The following VWA3B variants were observed in gnomAD, a reference collection of about 807,000 sequenced individuals.
The protein encoded by VWA3B is von Willebrand factor A domain containing 3B, also known as von Willebrand factor A domain-containing protein 3B.
VWA3B carries 138 observed loss-of-function variants against 158.3 expected under a neutral mutation model. That is an observed-to-expected ratio of 0.87 (90% CI 0.76 to 1.00). The LOEUF (loss-of-function observed/expected upper bound fraction) is 1.00, where lower values mean the gene tolerates loss of function less well. VWA3B is among the 50% of genes least tolerant of loss of function. The probability of loss-of-function intolerance (pLI) is 0.00; values close to 1 mark genes in which losing one functional copy is unlikely to be tolerated. For synonymous variants in VWA3B, 596 were observed against 587.3 expected, an observed-to-expected ratio of 1.01 and a Z score of -0.21; for missense variants, 1,555 against 1,565.1, an observed-to-expected ratio of 0.99 and a Z score of 0.11.
chr2:98,142,543 G>A (rs1276968440), intron 7 of VWA3B, among the ~76,000 whole-genome samples: 1 of 152,288 alleles, frequency 6.6e-6, no homozygotes, highest in African/African-American at 2.4e-5. Flanking sequence ...CTCCCTGGGG[G>A]CAAGTTTGCA....
intron 8 of VWA3B, chr2:98,179,139 A>G: frequency 2.2e-6 from 1 of 460,394 alleles, no homozygotes; most frequent in South Asian, 1.6e-5. Context: ...CCCAGCATGG[A>G]GTTGGGAGAT....
chr2:98,258,447 T>G (rs1687287311), intron 21 of VWA3B, among the ~76,000 whole-genome samples: 1 of 151,852 alleles, frequency 6.6e-6, no homozygotes, highest in Admixed American at 6.6e-5. Context: ...CTTTGAAGAG[T>G]ATTACCATTT....
intron 5 of VWA3B, 93 bp from the exon 6 acceptor site, chr2:98,128,146 A>C: frequency 6.9e-7 from 1 of 1,457,702 alleles, no homozygotes; most frequent in Non-Finnish European, 9.3e-7. Context: ...ATTTTTTCTA[A>C]GAGATCGTTT....
At chr2:98,143,628 T>C (rs1277082867) in intron 7 of VWA3B, among the ~76,000 whole-genome samples, 1 of 152,090 alleles carries the variant, frequency 6.6e-6, no homozygotes, top group Non-Finnish European at 1.5e-5. Flanking sequence ...AACTCAAATA[T>C]AGTAAAATAA....
the VWA3B span, among the ~76,000 whole-genome samples, chr2:98,327,373 T>G: frequency 6.6e-6 from 1 of 152,096 alleles, no homozygotes; most frequent in Non-Finnish European, 1.5e-5. Flanking sequence ...TCTCAACTCG[T>G]TTTATGAGCC....
intron 7 of VWA3B, among the ~76,000 whole-genome samples, chr2:98,137,262 C>T (rs551435250): frequency 5.0e-4 from 76 of 152,280 alleles, no homozygotes; most frequent in African/African-American, 1.6e-3. Context: ...ATTTTACATT[C>T]CTACCAACAG....
chr2:98,237,369 TC>T lies in VWA3B; in HGVS notation c.2673+641del, dbSNP rs540700072. Among the ~76,000 whole-genome samples, 11 of 152,308 alleles carry T rather than the reference TC, an allele frequency of 7.2e-5. 1 individual carries two copies. The East Asian group carries it at 1.9e-3, about 27-fold the overall frequency. ...AAGGGAGGACTTGCGAGAGATTATG[TC>T]CTTCTTTTGCTTACCTTCTCTTCCT... On this transcript the variant is annotated intron_variant, in intron 19 of 27. Transcript: ENST00000477737.
intron 9 of VWA3B, among the ~76,000 whole-genome samples, chr2:98,185,004 A>G (rs777916512): frequency 6.6e-6 from 1 of 151,896 alleles, no homozygotes; most frequent in African/African-American, 2.4e-5. Context: ...CATATGGAGG[A>G]CCCTTCCAAT....
chr2:98,217,458 C>T (rs1370385850), intron 13 of VWA3B, among the ~76,000 whole-genome samples: 1 of 152,204 alleles, frequency 6.6e-6, no homozygotes, highest in African/African-American at 2.4e-5. Flanking sequence ...TCTTCCTTCA[C>T]TCTCTGTGGG....
chr2:98,194,246 C>T, intron 11 of VWA3B, 115 bp from the exon 12 acceptor site: 7 of 1,015,144 alleles, frequency 6.9e-6, no homozygotes, highest in Admixed American at 2.5e-5. Flanking sequence ...TAATTTTTTG[C>T]TTCTTGAACT....
At chr2:98,170,885 G>A (rs1044545921) in intron 8 of VWA3B, among the ~76,000 whole-genome samples, 4 of 152,124 alleles carry the variant, frequency 2.6e-5, no homozygotes, top group African/African-American at 4.8e-5. Flanking sequence ...GATTACAGGC[G>A]TGAGCCACCG....
At chr2:98,257,725 G>A (rs1687242075) in intron 21 of VWA3B, among the ~76,000 whole-genome samples, 1 of 151,858 alleles carries the variant, frequency 6.6e-6, no homozygotes, top group Non-Finnish European at 1.5e-5. Context: ...TTCCAATTGG[G>A]TTGTGTTTTT....
chr2:98,296,621 C>T (rs772565449), intron 23 of VWA3B, among the ~76,000 whole-genome samples: 26 of 152,164 alleles, frequency 1.7e-4, no homozygotes, highest in Non-Finnish European at 3.7e-4. Context: ...GCTTAGCAGG[C>T]ACGTGAGCCA....
chr2:98,098,132 G>A (rs1361681107), intron 2 of VWA3B, among the ~76,000 whole-genome samples: 1 of 152,038 alleles, frequency 6.6e-6, no homozygotes, highest in Non-Finnish European at 1.5e-5. Flanking sequence ...CTTGTTTTGT[G>A]ACCTAACATA....
intron 1 of VWA3B, among the ~76,000 whole-genome samples, chr2:98,089,591 T>G (rs936530147): frequency 4.6e-5 from 7 of 151,304 alleles, no homozygotes; most frequent in African/African-American, 1.5e-4. Flanking sequence ...CCTATCCCAC[T>G]TGAGTGGAAC....
At chr2:98,151,288 T>G (rs1677610761) in intron 7 of VWA3B, among the ~76,000 whole-genome samples, 1 of 152,146 alleles carries the variant, frequency 6.6e-6, no homozygotes, top group Non-Finnish European at 1.5e-5. Context: ...AATTTTGTAT[T>G]TTTAGTAGAG....
intron 2 of VWA3B, among the ~76,000 whole-genome samples, chr2:98,113,587 G>A (rs1213863921): frequency 6.6e-6 from 1 of 152,110 alleles, no homozygotes; most frequent in Non-Finnish European, 1.5e-5. Flanking sequence ...GAGCTATAAT[G>A]TACCTACCTA....
In VWA3B at chr2:98,194,363, A is replaced by G; in HGVS notation, c.1608A>G (p.Glu536=). ...TAAATAATCATTGTCTCTTTTAGGA[A>G]CAGCTGAAATATAAAAGTAAGTTTA... ...VKDKIIQFIQ[E]QLKYKSKFNF... Residue 536 remains glutamate, a splice_region_variant and synonymous_variant, in exon 12 of 28, where the codon GAA becomes GAG. Transcript: ENST00000477737. 1.9e-6 allele frequency: 3 copies of G among 1,601,120 alleles called. No homozygotes were observed. The highest frequency in any genetic ancestry group is 2.6e-6 in the Non-Finnish European group (3 of 1,169,516).
intron 14 of VWA3B, among the ~76,000 whole-genome samples, chr2:98,222,036 A>G (rs915203805): frequency 1.1e-4 from 16 of 152,162 alleles, no homozygotes; most frequent in East Asian, 3.9e-4. Context: ...ACACAACAGC[A>G]TGAGACCAAA....
Sources: allele counts gnomAD v4.1 joint callset (sites outside exome capture counted in the v4.1 genomes callset), GRCh38; gene constraint gnomAD v4.1.1; transcripts MANE v1.5; gene names NCBI Gene and HGNC (gene_info 2026-07-23, HGNC 2026-07-21).